ZFPM2: variants seen among roughly 807,000 people sequenced by gnomAD.
ZFPM2 encodes zinc finger protein ZFPM2.
ZFPM2 carries 20 observed loss-of-function variants against 98.6 expected under a neutral mutation model. That is an observed-to-expected ratio of 0.20 (90% CI 0.14 to 0.29). The LOEUF is 0.29. Ranked by LOEUF, ZFPM2 falls within the 10% of genes least tolerant of loss-of-function variation. ZFPM2 has a pLI of 1.00. For synonymous variants in ZFPM2, 518 were observed against 502.7 expected (o/e 1.03, Z -0.41); for missense variants, 1,310 against 1,388.6 (o/e 0.94, Z 0.90).
intron 1 of ZFPM2, among the ~76,000 whole-genome samples, chr8:105,342,327 G>A (rs1203724588): frequency 6.6e-6 from 1 of 151,944 alleles, no homozygotes; most frequent in East Asian, 1.9e-4. Flanking sequence ...GTGAAAGCAG[G>A]TATTGTCATA....
chr8:105,783,653 G>T (rs1813327677), intron 5 of ZFPM2, among the ~76,000 whole-genome samples: 1 of 152,122 alleles, frequency 6.6e-6, no homozygotes, highest in Non-Finnish European at 1.5e-5. Flanking sequence ...TTGTCTTTTT[G>T]TGACACTCAT....
chr8:105,642,734 C>T (rs1447738348), intron 5 of ZFPM2, among the ~76,000 whole-genome samples: 1 of 152,108 alleles, frequency 6.6e-6, no homozygotes, highest in African/African-American at 2.4e-5. Flanking sequence ...GCTTAAGAAG[C>T]TTATTGAAAG....
Position 105,600,011 on chromosome 8 carries a change from T to C in ZFPM2, c.421-34235T>C, listed in dbSNP as rs571035153. ...TCTAGAAAAATCAATGAAGGTTATC[T>C]TTTATGTTGCAGGAACTTGTGGAAA... On this transcript the variant is annotated intron_variant, in intron 4 of 7. Coordinates refer to ENST00000407775, the MANE Select transcript of ZFPM2 (RefSeq NM_012082.4). Among the ~76,000 whole-genome samples the C allele has an allele frequency of 8.5e-5, 13 of 152,282 alleles. No individual in the cohort carries two copies. In the South Asian group the frequency reaches 1.2e-3, roughly 15 times the overall value.
intron 1 of ZFPM2, among the ~76,000 whole-genome samples, chr8:105,359,615 C>G (rs1435191888): frequency 6.6e-6 from 1 of 152,026 alleles, no homozygotes; most frequent in Non-Finnish European, 1.5e-5. Context: ...ACCTCATGAT[C>G]CACCCGCCTC....
At chr8:105,707,349 G>A (rs1266561073) in intron 5 of ZFPM2, among the ~76,000 whole-genome samples, 1 of 151,858 alleles carries the variant, frequency 6.6e-6, no homozygotes, top group Non-Finnish European at 1.5e-5. Context: ...ACCAAATAAT[G>A]TACCATACTA....
chr8:105,613,489 T>A (rs1480194896), intron 4 of ZFPM2, among the ~76,000 whole-genome samples: 1 of 152,176 alleles, frequency 6.6e-6, no homozygotes, highest in Non-Finnish European at 1.5e-5. Flanking sequence ...GGAACAATTT[T>A]GCAAAGGAAG....
chr8:105,517,754 T>G (rs552749178), intron 3 of ZFPM2, among the ~76,000 whole-genome samples: 55 of 92,880 alleles, frequency 5.9e-4, no homozygotes, highest in Non-Finnish European at 1.1e-3. Flanking sequence ...CCTAGTTGGG[T>G]GTGGGGGCAT....
At chr8:105,517,296 C>T (rs1563695156) in intron 3 of ZFPM2, among the ~76,000 whole-genome samples, 2 of 152,056 alleles carry the variant, frequency 1.3e-5, no homozygotes, top group African/African-American at 2.4e-5. Flanking sequence ...GATGTCATGT[C>T]CAAATATACT....
Position 105,802,862 on chromosome 8 carries a change from C to G in ZFPM2, c.2780C>G (p.Pro927Arg), listed in dbSNP as rs1158288082. 15 of 1,613,570 alleles carry G rather than the reference C, an allele frequency of 9.3e-6. No homozygotes were observed. Among genetic ancestry groups the G allele is most frequent in the Admixed American group, 1.7e-5 (1 of 59,970 alleles). Residue 927 changes from proline (P) to arginine (R), a missense_variant, in exon 8 of 8, where the codon CCC (proline) becomes CGC (arginine). Coordinates refer to ENST00000407775, the MANE Select transcript of ZFPM2 (RefSeq NM_012082.4). ...AATGGGAATTTGAAGCAGCCTTCCC[C>G]CAATGGAAACTTATTTTCATCCCAC... Reference protein sequence around the residue: ...EKNGNLKQPSPNGNLFSSHLA... With the variant: ...EKNGNLKQPSRNGNLFSSHLA...
intron 5 of ZFPM2, among the ~76,000 whole-genome samples, chr8:105,676,584 C>G (rs1321182896): frequency 6.6e-6 from 1 of 151,594 alleles, no homozygotes; most frequent in Non-Finnish European, 1.5e-5. Context: ...TGTAAAAATA[C>G]GCATGGAAAA....
chr8:105,634,674 A>T (rs1816814768), intron 5 of ZFPM2, among the ~76,000 whole-genome samples: 1 of 152,136 alleles, frequency 6.6e-6, no homozygotes, highest in Admixed American at 6.5e-5. Context: ...ACGAAACTCC[A>T]ATTTCTCCTT....
intron 1 of ZFPM2, among the ~76,000 whole-genome samples, chr8:105,358,919 C>T (rs1201966895): frequency 6.6e-6 from 1 of 152,104 alleles, no homozygotes; most frequent in East Asian, 1.9e-4. Context: ...CATGCCACTG[C>T]ACTCTAGCCT....
At chr8:105,494,463 T>C (rs1813421956) in intron 3 of ZFPM2, among the ~76,000 whole-genome samples, 1 of 151,858 alleles carries the variant, frequency 6.6e-6, no homozygotes, top group African/African-American at 2.4e-5. Flanking sequence ...ATAAGGGCTG[T>C]CATCATTTTT....
At chr8:105,433,743 C>T (rs770893143) in intron 2 of ZFPM2, among the ~76,000 whole-genome samples, 2 of 152,116 alleles carry the variant, frequency 1.3e-5, no homozygotes, top group Admixed American at 6.6e-5. Context: ...GCCGAGATCA[C>T]GCCACTGCAC....
chr8:105,697,238 C>T (rs1811038339), intron 5 of ZFPM2, among the ~76,000 whole-genome samples: 1 of 152,142 alleles, frequency 6.6e-6, no homozygotes, highest in Non-Finnish European at 1.5e-5. Context: ...AGAATGAGCG[C>T]TTAATCTTAA....
chr8:105,765,930 T>C lies in ZFPM2; in HGVS notation c.533-22788T>C, dbSNP rs758525078. ...TCACTGGCATTTCTGGAAATTGTTT[T>C]TCAAGGGGCCTCATGTAGTTTACTC... On this transcript the variant is annotated intron_variant, in intron 5 of 7. Coordinates refer to ENST00000407775, the MANE Select transcript of ZFPM2 (RefSeq NM_012082.4). Among the ~76,000 whole-genome samples the C allele has an allele frequency of 2.4e-4, 37 of 151,916 alleles. 1 individual carries two copies. The highest frequency in any genetic ancestry group is 3.5e-4 in the Non-Finnish European group (24 of 67,910).
intron 5 of ZFPM2, among the ~76,000 whole-genome samples, chr8:105,669,074 A>G (rs189375347): frequency 1.3e-5 from 2 of 152,132 alleles, no homozygotes; most frequent in Admixed American, 1.3e-4. Flanking sequence ...GGATAGAGTA[A>G]AAAGAGTAAT....
intron 3 of ZFPM2, among the ~76,000 whole-genome samples, chr8:105,457,326 C>G (rs1009516133): frequency 6.6e-6 from 1 of 152,154 alleles, no homozygotes; most frequent in Non-Finnish European, 1.5e-5. Context: ...CTTACATATG[C>G]TTTCTAGATT....
intron 1 of ZFPM2, among the ~76,000 whole-genome samples, chr8:105,365,388 A>G (rs1243005053): frequency 6.6e-6 from 1 of 152,142 alleles, no homozygotes; most frequent in Non-Finnish European, 1.5e-5. Flanking sequence ...CTTCCAGTGG[A>G]TGGTAAGCCT....
Sources: allele counts gnomAD v4.1 joint callset (sites outside exome capture counted in the v4.1 genomes callset), GRCh38; gene constraint gnomAD v4.1.1; transcripts MANE v1.5; gene names NCBI Gene and HGNC (gene_info 2026-07-23, HGNC 2026-07-21).